The following GLYR1 variants were observed in gnomAD, a reference collection of about 807,000 sequenced individuals.
GLYR1 encodes the protein glyoxylate reductase 1 homolog.
Under a neutral mutation model 72.7 loss-of-function variants are expected in GLYR1, and 21 were observed. The ratio of observed to expected loss-of-function variants is 0.29; its 90% CI spans 0.20 to 0.42. The LOEUF (loss-of-function observed/expected upper bound fraction) is 0.42. Among genes scored for constraint, GLYR1 ranks in the 10% least tolerant of loss-of-function variants. The pLI is 1.00. For synonymous variants in GLYR1, 392 were observed against 270.2 expected, an observed-to-expected ratio of 1.45 and a Z score of -4.42; for missense variants, 594 against 712.1, an observed-to-expected ratio of 0.83 and a Z score of 1.89.
intron 9 of GLYR1, among the ~76,000 whole-genome samples, chr16:4,820,352 A>C (rs2083931701): frequency 6.6e-6 from 1 of 152,162 alleles, no homozygotes; most frequent in Admixed American, 6.6e-5. Context: ...GACAAAATGG[A>C]AATGTGGATT....
intron 15 of GLYR1, among the ~76,000 whole-genome samples, chr16:4,806,565 G>A (rs1375893576): frequency 6.6e-6 from 1 of 151,312 alleles, no homozygotes; most frequent in Non-Finnish European, 1.5e-5. Context: ...TGGGGGTCTT[G>A]CTATGTTGCC....
chr16:4,846,972 G>A (rs2086175246), intron 1 of GLYR1: 2 of 517,034 alleles, frequency 3.9e-6, no homozygotes, highest in Non-Finnish European at 6.8e-6. Context: ...GCCAGTATCT[G>A]GGCCCCGAGT....
At chr16:4,835,793 T>A (rs1222716713) in intron 3 of GLYR1, among the ~76,000 whole-genome samples, 1 of 152,192 alleles carries the variant, frequency 6.6e-6, no homozygotes, top group Admixed American at 6.5e-5. Flanking sequence ...ATTGTGCCAC[T>A]GCACTCCAGC....
intron 5 of GLYR1, among the ~76,000 whole-genome samples, 188 bp downstream of exon 5, chr16:4,831,791 C>T (rs527940189): frequency 3.3e-5 from 5 of 152,348 alleles, no homozygotes; most frequent in Non-Finnish European, 7.3e-5. Context: ...CTGACTCAGC[C>T]TCCTGAGTTG....
At chr16:4,814,301 G>C (rs1314067444) in intron 11 of GLYR1, among the ~76,000 whole-genome samples, 3 of 152,248 alleles carry the variant, frequency 2.0e-5, no homozygotes, top group African/African-American at 7.2e-5. Context: ...GCCTGTTCAA[G>C]ACACATTTCA....
At chr16:4,805,402 C>A (rs1031220921) in intron 15 of GLYR1, 92 bp from the exon 16 acceptor site, 11 of 1,084,368 alleles carry the variant, frequency 1.0e-5, no homozygotes, top group African/African-American at 1.5e-5. Flanking sequence ...ATGTGGCCAG[C>A]AGGCAGTGCT....
intron 12 of GLYR1, among the ~76,000 whole-genome samples, chr16:4,813,277 G>C (rs975312075): frequency 6.6e-6 from 1 of 152,246 alleles, no homozygotes; most frequent in Admixed American, 6.5e-5. Context: ...ATTTCTTAGA[G>C]ACCAACAACT....
At chr16:4,811,364 G>C in intron 14 of GLYR1, 70 bp from the exon 15 acceptor site, 1 of 1,590,394 alleles carries the variant, frequency 6.3e-7, no homozygotes, top group Non-Finnish European at 8.6e-7. Context: ...CGGTCCACCA[G>C]GTGTCAGTAC....
intron 2 of GLYR1, among the ~76,000 whole-genome samples, 158 bp from the exon 3 acceptor site, chr16:4,845,311 G>A (rs963938381): frequency 3.9e-5 from 6 of 152,138 alleles, no homozygotes; most frequent in African/African-American, 9.7e-5. Flanking sequence ...AGAACCCAAG[G>A]CCTAGTACTT....
chr16:4,841,457 C>CAAAAAAAAAAAAAA (rs1160441336), intron 3 of GLYR1, among the ~76,000 whole-genome samples: 4 of 31,946 alleles, frequency 1.3e-4, no homozygotes, highest in Admixed American at 5.0e-4. Flanking sequence ...CTTGTCTCTA[C>CAAAAAAAAAAAAAA]AAAAAAAAAA....
rs752741681 is a variant in GLYR1, at chr16:4,814,619, C to T, written c.935G>A (p.Arg312His). ...KCDLFIQEGA[R>H]LGRTPAEVVS... ...GACTTCAGCGGGGGTTCTTCCCAGACGGGCCCCCTCCTGGATGAACAAATC... is the reference window on the plus strand; with the variant it reads ...GACTTCAGCGGGGGTTCTTCCCAGATGGGCCCCCTCCTGGATGAACAAATC... Residue 312 changes from arginine to histidine, a missense_variant, in exon 11 of 16, where the codon CGT (arginine) becomes CAT (histidine). Arg to His is a conservative substitution (Grantham distance 29). Coordinates refer to ENST00000321919, the MANE Select transcript of GLYR1 (RefSeq NM_032569.4). 1.1e-5 allele frequency: 18 copies of T among 1,614,000 alleles called. No individual in the cohort carries two copies. Among genetic ancestry groups the T allele is most frequent in the South Asian group, 2.2e-5 (2 of 91,086 alleles).
At chr16:4,842,171 G>T (rs1456039961) in intron 3 of GLYR1, among the ~76,000 whole-genome samples, 1 of 151,816 alleles carries the variant, frequency 6.6e-6, no homozygotes, top group African/African-American at 2.4e-5. Context: ...ATGAACCCGG[G>T]AGGTGGAGCT....
At chr16:4,811,558 C>G (rs1254491351) in intron 14 of GLYR1, 65 bp downstream of exon 14, 2 of 1,585,464 alleles carry the variant, frequency 1.3e-6, no homozygotes, top group African/African-American at 2.7e-5. Context: ...CTCACTAAAT[C>G]CCTGACCTAG....
chr16:4,835,906 A>C lies in GLYR1; in HGVS notation c.156-2994T>G, dbSNP rs567796607. Among the ~76,000 whole-genome samples the C allele has an allele frequency of 9.9e-5, 15 of 152,188 alleles. No individual in the cohort carries two copies. The South Asian group carries it at 3.1e-3, about 32-fold the overall frequency. ...ACCTCTTGAAAGCAAACCAAACTTAAATCACTTTGGCTATCTGAATACAAT... is the reference window on the plus strand; with the variant it reads ...ACCTCTTGAAAGCAAACCAAACTTACATCACTTTGGCTATCTGAATACAAT... On this transcript the variant is annotated intron_variant, in intron 3 of 15. Transcript: ENST00000321919.
intron 1 of GLYR1, 70 bp from the exon 2 acceptor site, chr16:4,846,280 C>T: frequency 2.0e-6 from 3 of 1,513,758 alleles, no homozygotes; most frequent in South Asian, 1.1e-5. Context: ...CCACTCAATA[C>T]GCAATTTATT....
intron 1 of GLYR1, 172 bp downstream of exon 1, chr16:4,847,056 G>C: frequency 1.6e-6 from 1 of 634,286 alleles, no homozygotes; most frequent in African/African-American, 1.9e-5. Context: ...CGGTCCCCCG[G>C]GACTGGACTG....
chr16:4,817,670 C>T lies in GLYR1; in HGVS notation c.834G>A (p.Met278Ile). ...KKIGFLGLGLMGSGIVSNLLK... is the reference protein window; with the variant it reads ...KKIGFLGLGLIGSGIVSNLLK... ...GCAAGTTGGAGACGATTCCACTTCC[C>T]ATGAGACCAAGGCCCAAAAATCCTA... The change falls in exon 10 of 16, where the codon ATG (methionine) becomes ATA (isoleucine). Residue 278 changes from methionine to isoleucine, a missense_variant. Physicochemically the swap from Met to Ile is conservative, Grantham distance 10. Around this residue, in one of 5 missense-constraint regions of GLYR1, gnomAD observed 266 missense variants for 358.4 expected, o/e 0.74. Coordinates refer to ENST00000321919, the MANE Select transcript of GLYR1 (RefSeq NM_032569.4). 1 of 1,613,304 alleles carries T rather than the reference C, an allele frequency of 6.2e-7. No homozygotes were observed. Among genetic ancestry groups the T allele is most frequent in the South Asian group, 1.1e-5 (1 of 91,056 alleles).
rs920256553 is a variant in GLYR1 at position 4,841,590 on chromosome 16, A to C, written c.155+3484T>G. ...AGCCTGGGAAGTCAAGGATGCAGTA[A>C]GCCATGTCCGTGATACTGCACTCCA... On this transcript the variant is annotated intron_variant, in intron 3 of 15. Coordinates refer to ENST00000321919, the MANE Select transcript of GLYR1 (RefSeq NM_032569.4). Among the ~76,000 whole-genome samples the C allele has an allele frequency of 7.9e-5, 12 of 151,972 alleles. No homozygotes were observed. The East Asian group carries it at 2.3e-3, about 29-fold the overall frequency.
intron 3 of GLYR1, among the ~76,000 whole-genome samples, chr16:4,835,060 C>T (rs944263406): frequency 2.0e-5 from 3 of 152,080 alleles, no homozygotes; most frequent in African/African-American, 7.2e-5. Flanking sequence ...CCAGTTCTTC[C>T]TAGGAGCTTC....
Sources: gnomAD v4.1 joint callset for allele counts (sites outside exome capture counted in the v4.1 genomes callset) on GRCh38, gnomAD v4.1.1 for gene constraint, gnomAD v4.1.1 regional missense constraint, MANE v1.5 for transcripts, NCBI Gene and HGNC (gene_info 2026-07-23, HGNC 2026-07-21) for gene names.